The following GRM5 variants were observed in gnomAD, a reference collection of about 807,000 sequenced individuals.
GRM5 encodes the protein metabotropic glutamate receptor 5.
In GRM5, 19 loss-of-function variants were observed where a neutral mutation model predicts 83.1. The ratio of observed to expected loss-of-function variants is 0.23; its 90% CI spans 0.16 to 0.34. The LOEUF (loss-of-function observed/expected upper bound fraction) is 0.34, where lower values mean the gene tolerates loss of function less well. GRM5 is among the 10% of genes least tolerant of loss of function. The probability of loss-of-function intolerance (pLI) is 1.00; values close to 1 mark genes in which losing one functional copy is unlikely to be tolerated. For missense variants in GRM5, 1,160 were observed against 1,588.3 expected, an observed-to-expected ratio of 0.73 and a Z score of 4.58; for synonymous variants, 675 against 633.6, an observed-to-expected ratio of 1.07 and a Z score of -0.98.
chr11:88,589,990 G>A (rs1389547607), intron 7 of GRM5, among the ~76,000 whole-genome samples: 1 of 151,956 alleles, frequency 6.6e-6, no homozygotes. Context: ...AAAAGACTAT[G>A]AAATATAGAC....
At chr11:88,521,155 C>T (rs191952089) in intron 9 of GRM5, among the ~76,000 whole-genome samples, 145 of 152,184 alleles carry the variant, frequency 9.5e-4, no homozygotes, top group African/African-American at 3.3e-3. Context: ...TGGTGGCTCA[C>T]GCCTGTAATC....
intron 3 of GRM5, among the ~76,000 whole-genome samples, chr11:88,661,217 T>C (rs1446757371): frequency 1.3e-5 from 2 of 152,182 alleles, no homozygotes; most frequent in Non-Finnish European, 2.9e-5. Context: ...TACCAAATAC[T>C]CAAGAAATGT....
intron 2 of GRM5, among the ~76,000 whole-genome samples, chr11:89,003,342 A>T (rs1940442258): frequency 6.6e-6 from 1 of 152,120 alleles, no homozygotes; most frequent in South Asian, 2.1e-4. Flanking sequence ...CAAACAAAAC[A>T]CAGCACAGTC....
chr11:88,853,381 G>T (rs1157401105), intron 2 of GRM5, among the ~76,000 whole-genome samples: 2 of 151,990 alleles, frequency 1.3e-5, no homozygotes, highest in Non-Finnish European at 2.9e-5. Context: ...TTGGGAAGAG[G>T]AAGGCCATTA....
intron 2 of GRM5, among the ~76,000 whole-genome samples, chr11:88,957,906 A>T (rs1332038183): frequency 6.6e-6 from 1 of 152,182 alleles, no homozygotes; most frequent in African/African-American, 2.4e-5. Context: ...AACTGTGCAT[A>T]GTGTTCTAAT....
At position 88,701,641 on chromosome 11, in the gene GRM5, G is replaced by A. The variant is rs377328559; in HGVS notation, c.912-48238C>T. Among the ~76,000 whole-genome samples the A allele has an allele frequency of 2.4e-4, 37 of 152,260 alleles. 1 individual carries two copies. The highest frequency in any genetic ancestry group is 8.7e-4 in the African/African-American group (36 of 41,560). On this transcript the variant is annotated intron_variant, in intron 3 of 9. Transcript: ENST00000305447. ...ATTCTGTCTTATACATTTTAGGGAA[G>A]TAGAAGTTACAGACAAAGTCATAAA...
intron 2 of GRM5, among the ~76,000 whole-genome samples, chr11:88,868,154 G>T (rs184025076): frequency 6.6e-6 from 1 of 151,822 alleles, no homozygotes; most frequent in Admixed American, 6.6e-5. Context: ...CCAGACCAAA[G>T]TCTGGCACAG....
chr11:88,582,590 A>G (rs926270067), intron 7 of GRM5, among the ~76,000 whole-genome samples: 2 of 152,192 alleles, frequency 1.3e-5, no homozygotes, highest in Admixed American at 6.5e-5. Context: ...ATTAACAAGA[A>G]ATATTTATTA....
At chr11:88,745,381 T>C (rs573813604) in intron 3 of GRM5, among the ~76,000 whole-genome samples, 1 of 25,220 alleles carries the variant, frequency 4.0e-5, no homozygotes, top group Non-Finnish European at 1.2e-4. Context: ...TAATATTGTA[T>C]TTTTTGTAGA....
chr11:88,798,194 T>C (rs564162553), intron 3 of GRM5, among the ~76,000 whole-genome samples: 9 of 152,326 alleles, frequency 5.9e-5, no homozygotes, highest in Admixed American at 5.2e-4. Flanking sequence ...TGTTGAGTGA[T>C]ATTTAGCTTT....
At chr11:88,916,700 C>T (rs2135620584) in intron 2 of GRM5, among the ~76,000 whole-genome samples, 1 of 151,768 alleles carries the variant, frequency 6.6e-6, no homozygotes, top group East Asian at 1.9e-4. Flanking sequence ...AAGGGAGTGT[C>T]ATCCCTCCCC....
At chr11:88,803,989 C>T (rs1219600086) in intron 3 of GRM5, among the ~76,000 whole-genome samples, 3 of 149,850 alleles carry the variant, frequency 2.0e-5, no homozygotes, top group South Asian at 2.1e-4. Flanking sequence ...CAATGAGATA[C>T]CATCTCACAC....
chr11:89,060,674 T>C (rs1478717255), intron 1 of GRM5, among the ~76,000 whole-genome samples: 2 of 152,030 alleles, frequency 1.3e-5, no homozygotes, highest in African/African-American at 2.4e-5. Flanking sequence ...TAAAAGATGA[T>C]TCAGAAAGGT....
intron 2 of GRM5, among the ~76,000 whole-genome samples, chr11:88,959,431 T>C (rs1441345399): frequency 6.6e-6 from 1 of 151,712 alleles, no homozygotes; most frequent in Non-Finnish European, 1.5e-5. Context: ...ACATAAAATA[T>C]AAACATATTA....
At chr11:88,588,518 A>G (rs76967491) in intron 7 of GRM5, among the ~76,000 whole-genome samples, 13,998 of 152,150 alleles carry the variant, frequency 0.092, 1,267 homozygotes, top group African/African-American at 0.24. Context: ...TGAGATGATG[A>G]GAACACCTCT....
chr11:88,795,137 G>C (rs1349786224), intron 3 of GRM5, among the ~76,000 whole-genome samples: 1 of 151,870 alleles, frequency 6.6e-6, no homozygotes, highest in Non-Finnish European at 1.5e-5. Context: ...ACTATATTGA[G>C]AGGGATTGAG....
At chr11:89,040,347 C>A (rs908667439) in intron 2 of GRM5, among the ~76,000 whole-genome samples, 2 of 150,688 alleles carry the variant, frequency 1.3e-5, no homozygotes, top group African/African-American at 4.9e-5. Flanking sequence ...GAAGAGCCTG[C>A]AAAAACAAAA....
intron 2 of GRM5, among the ~76,000 whole-genome samples, chr11:89,012,517 T>C (rs1940731445): frequency 1.3e-5 from 2 of 152,160 alleles, no homozygotes; most frequent in South Asian, 2.1e-4. Flanking sequence ...AAATGTATGA[T>C]GCGTAAAAAA....
chr11:88,879,309 C>G (rs1944911559), intron 2 of GRM5, among the ~76,000 whole-genome samples: 1 of 151,596 alleles, frequency 6.6e-6, no homozygotes, highest in South Asian at 2.1e-4. Flanking sequence ...GACTTGTATC[C>G]AGAATATAGA....
Sources: allele counts gnomAD v4.1 joint callset (sites outside exome capture counted in the v4.1 genomes callset), GRCh38; gene constraint gnomAD v4.1.1; transcripts MANE v1.5; gene names NCBI Gene and HGNC (gene_info 2026-07-23, HGNC 2026-07-21).